Variants in GMDS observed in about 807,000 individuals in gnomAD.
GMDS encodes GDP-mannose 4,6 dehydratase.
A neutral mutation model predicts 49.9 loss-of-function variants in GMDS; 20 were observed. The observed-to-expected ratio is 0.40, with a 90% CI of 0.28 to 0.58. The LOEUF is 0.58. Among genes scored for constraint, GMDS ranks in the 20% least tolerant of loss-of-function variants. GMDS has a pLI of 0.42. For missense variants in GMDS, 362 were observed against 481.4 expected, an observed-to-expected ratio of 0.75 and a Z score of 2.32; for synonymous variants, 177 against 178.6, an observed-to-expected ratio of 0.99 and a Z score of 0.07.
chr6:2,123,757 A>G (rs1243649403), intron 2 of GMDS, among the ~76,000 whole-genome samples: 2 of 152,270 alleles, frequency 1.3e-5, no homozygotes, highest in Non-Finnish European at 2.9e-5. Context: ...TACAAAATGT[A>G]GCATTAGCTC....
rs1769212180 is a variant in GMDS, at chr6:1,783,981, T to TA, written c.772-41396dup. On this transcript the variant is annotated intron_variant, in intron 7 of 10. Coordinates refer to ENST00000380815, the MANE Select transcript of GMDS (RefSeq NM_001500.4). ...GGTTGTGACACAAGATGAACAAGCC[T>TA]AAAAAAACCCCAAACCATGAACATG... is the stretch of plus-strand genomic sequence containing the variant. Among the ~76,000 whole-genome samples the TA allele has an allele frequency of 2.0e-5, 3 of 152,146 alleles. No homozygotes were observed. The South Asian group carries it at 6.2e-4, about 32-fold the overall frequency.
intron 9 of GMDS, among the ~76,000 whole-genome samples, chr6:1,647,607 C>CA (rs1384200786): frequency 4.6e-5 from 7 of 152,338 alleles, no homozygotes; most frequent in African/African-American, 1.4e-4. Context: ...GACACAGACA[C>CA]ATATGCCAGT....
chr6:2,172,902 T>C (rs1449444869), intron 1 of GMDS, among the ~76,000 whole-genome samples: 1 of 152,144 alleles, frequency 6.6e-6, no homozygotes, highest in Non-Finnish European at 1.5e-5. Context: ...TAAAAATATA[T>C]CTTCCTTCTA....
intron 4 of GMDS, among the ~76,000 whole-genome samples, chr6:1,962,988 T>C (rs950075906): frequency 1.3e-5 from 2 of 151,536 alleles, no homozygotes; most frequent in Admixed American, 1.3e-4. Flanking sequence ...GTGATTTTCC[T>C]GCCTCAGCCT....
chr6:1,981,654 C>CT (rs1182244588), intron 4 of GMDS, among the ~76,000 whole-genome samples: 3 of 152,098 alleles, frequency 2.0e-5, no homozygotes, highest in African/African-American at 7.2e-5. Flanking sequence ...TGAGGGACTC[C>CT]TTCCTAACTC....
At chr6:1,647,827 A>G (rs1763533162) in intron 9 of GMDS, among the ~76,000 whole-genome samples, 1 of 152,170 alleles carries the variant, frequency 6.6e-6, no homozygotes, top group Admixed American at 6.5e-5. Flanking sequence ...TGTCCTTCTC[A>G]GCATCCGGAC....
rs986362708 is a variant in GMDS at position 1,833,797 on chromosome 6, T to C, written c.772-91211A>G. Among the ~76,000 whole-genome samples, 3 of 152,230 alleles carry C rather than the reference T, an allele frequency of 2.0e-5. No individual in the cohort carries two copies. Among genetic ancestry groups the C allele is most frequent in the Non-Finnish European group, 4.4e-5 (3 of 68,030 alleles). ...GGAAATTTATGAAGGCAGAAATTAA[T>C]ACCAAACCCAAACTGCTCATTAAAC... On this transcript the variant is annotated intron_variant, in intron 7 of 10. Coordinates refer to ENST00000380815, the MANE Select transcript of GMDS (RefSeq NM_001500.4). The surrounding 1 kb of genome is among the most constrained non-coding windows in gnomAD (Gnocchi z 4.4).
chr6:1,863,124 T>C (rs1220942623), intron 7 of GMDS, among the ~76,000 whole-genome samples: 1 of 152,208 alleles, frequency 6.6e-6, no homozygotes, highest in Non-Finnish European at 1.5e-5. Flanking sequence ...TTCTGATTGT[T>C]ATCTGTTGCA....
intron 1 of GMDS, among the ~76,000 whole-genome samples, chr6:2,199,350 C>T (rs529935408): frequency 1.7e-4 from 26 of 152,322 alleles, no homozygotes; most frequent in Non-Finnish European, 2.5e-4. Context: ...GACACAACAA[C>T]TCACAGGCAG....
chr6:1,772,702 C>G (rs1768629574), intron 7 of GMDS, among the ~76,000 whole-genome samples: 1 of 152,122 alleles, frequency 6.6e-6, no homozygotes, highest in Non-Finnish European at 1.5e-5. Flanking sequence ...GCAGACGAAG[C>G]CTGGCTGAAA....
chr6:1,816,953 T>C (rs1770696327), intron 7 of GMDS, among the ~76,000 whole-genome samples: 1 of 151,548 alleles, frequency 6.6e-6, no homozygotes. Context: ...TCACAGAGTT[T>C]AACATTTCAT....
intron 4 of GMDS, among the ~76,000 whole-genome samples, chr6:1,984,555 T>G (rs1363991537): frequency 1.3e-5 from 2 of 152,178 alleles, no homozygotes; most frequent in African/African-American, 4.8e-5. Flanking sequence ...GACCCTAATG[T>G]CCTTTATAAA....
At chr6:2,226,646 T>C (rs781628481) in intron 1 of GMDS, among the ~76,000 whole-genome samples, 5 of 152,168 alleles carry the variant, frequency 3.3e-5, no homozygotes, top group Non-Finnish European at 7.3e-5. Flanking sequence ...AGTGTTTGCA[T>C]ATAACATGTC....
At chr6:1,720,836 C>T (rs1028243338) in intron 9 of GMDS, among the ~76,000 whole-genome samples, 34 of 152,058 alleles carry the variant, frequency 2.2e-4, no homozygotes, top group African/African-American at 8.0e-4. Flanking sequence ...GATGGACTGG[C>T]TTCTAACAGA....
intron 1 of GMDS, among the ~76,000 whole-genome samples, chr6:2,141,243 T>C (rs368295848): frequency 8.5e-5 from 13 of 152,142 alleles, no homozygotes; most frequent in African/African-American, 3.1e-4. Flanking sequence ...CTGGCCAGTA[T>C]GGATCTTCCT....
chr6:1,627,509 G>A (rs1278849917), intron 9 of GMDS, among the ~76,000 whole-genome samples: 5 of 152,158 alleles, frequency 3.3e-5, no homozygotes, highest in South Asian at 2.1e-4. Context: ...CATGATACAC[G>A]TCCCTTTAAT....
intron 1 of GMDS, among the ~76,000 whole-genome samples, chr6:2,237,624 C>T (rs533758957): frequency 1.9e-4 from 28 of 149,590 alleles, no homozygotes; most frequent in Middle Eastern, 3.4e-3. Context: ...CGGGTTCAAG[C>T]GATTCTCCTG....
intron 1 of GMDS, among the ~76,000 whole-genome samples, chr6:2,153,741 G>C (rs1206744273): frequency 3.9e-5 from 6 of 152,064 alleles, no homozygotes; most frequent in Non-Finnish European, 8.8e-5. Flanking sequence ...TTTTAGAGAA[G>C]AAAAATTACC....
intron 7 of GMDS, among the ~76,000 whole-genome samples, chr6:1,744,889 G>A (rs183687562): frequency 2.0e-4 from 31 of 152,342 alleles, no homozygotes; most frequent in Non-Finnish European, 4.4e-5. Context: ...CACCGGGATC[G>A]GGCCTGCCCT....
Sources: allele counts gnomAD v4.1 joint callset (sites outside exome capture counted in the v4.1 genomes callset), GRCh38; gene constraint gnomAD v4.1.1; non-coding constraint Gnocchi (gnomAD v3.1); transcripts MANE v1.5; gene names NCBI Gene and HGNC (gene_info 2026-07-23, HGNC 2026-07-21).